The following RALGPS1 variants were observed in gnomAD, a reference collection of about 807,000 sequenced individuals.
RALGPS1 encodes the protein Ral GEF with PH domain and SH3 binding motif 1.
In RALGPS1, 19 loss-of-function variants were observed where a neutral mutation model predicts 78.8. The observed-to-expected ratio is 0.24, with a 90% CI of 0.17 to 0.35. RALGPS1 has a LOEUF of 0.35. RALGPS1 is among the 10% of genes least tolerant of loss of function. The pLI, the probability that RALGPS1 is intolerant of heterozygous loss-of-function variation, is 1.00. For missense variants in RALGPS1, 454 were observed against 688.3 expected, an observed-to-expected ratio of 0.66 and a Z score of 3.81; for synonymous variants, 228 against 256.3, an observed-to-expected ratio of 0.89 and a Z score of 1.06.
At chr9:127,210,181 A>T (rs2062162488) in intron 14 of RALGPS1, among the ~76,000 whole-genome samples, 1 of 152,238 alleles carries the variant, frequency 6.6e-6, no homozygotes, top group Non-Finnish European at 1.5e-5. Context: ...AGCAGGTCAC[A>T]GAGCGAGTTT....
chr9:127,098,252 C>T (rs2053354711), intron 8 of RALGPS1, among the ~76,000 whole-genome samples: 1 of 152,218 alleles, frequency 6.6e-6, no homozygotes. Flanking sequence ...TTTCAACGTG[C>T]AGTGGGCAAA....
At chr9:127,210,673 AT>A in intron 14 of RALGPS1, 1 of 1,537,978 alleles carries the variant, frequency 6.5e-7, no homozygotes, top group Non-Finnish European at 8.8e-7. Context: ...TGTTGCTAAA[AT>A]TTAACCCTTT....
chr9:127,091,038 G>A lies in RALGPS1; in HGVS notation c.610+21682G>A, dbSNP rs1256705087. Reference sequence around the variant, plus strand: ...TCTCCTATCTGCTTTCCTCTTAATAGCTTCCTCTCAGCACTGCACTAGCAT... The same window carrying A: ...TCTCCTATCTGCTTTCCTCTTAATAACTTCCTCTCAGCACTGCACTAGCAT... On this transcript the variant is annotated intron_variant, in intron 8 of 18. Transcript: ENST00000259351. The surrounding 1 kb of genome is among the most constrained non-coding windows in gnomAD (Gnocchi z 4.3). Among the ~76,000 whole-genome samples the A allele has an allele frequency of 1.3e-5, 2 of 152,152 alleles. No individual in the cohort carries two copies. Among genetic ancestry groups the A allele is most frequent in the African/African-American group, 4.8e-5 (2 of 41,420 alleles).
chr9:126,955,159 A>G (rs2038225825), intron 1 of RALGPS1, among the ~76,000 whole-genome samples: 1 of 152,120 alleles, frequency 6.6e-6, no homozygotes, highest in South Asian at 2.1e-4. Context: ...TCTTTAAGGC[A>G]TTTATCAGTA....
chr9:126,960,392 C>T lies in RALGPS1; in HGVS notation c.-65-1833C>T, dbSNP rs1020065672. Among the ~76,000 whole-genome samples, 10 of 151,856 alleles carry T rather than the reference C, an allele frequency of 6.6e-5. No individual in the cohort carries two copies. The South Asian group carries it at 2.1e-3, about 32-fold the overall frequency. On this transcript the variant is annotated intron_variant, in intron 1 of 18. Transcript: ENST00000259351. ...GGGACTACAGGCGCCTGCCACCACG[C>T]CCGGCTAATTTTTATGTTTTTAGTA...
At chr9:126,962,038 T>C (rs2038940719) in intron 1 of RALGPS1, among the ~76,000 whole-genome samples, 187 bp from the exon 2 acceptor site, 2 of 152,182 alleles carry the variant, frequency 1.3e-5, no homozygotes, top group Non-Finnish European at 2.9e-5. Flanking sequence ...TTTAAAAATA[T>C]TAATACCCTG....
intron 8 of RALGPS1, among the ~76,000 whole-genome samples, chr9:127,089,615 G>C (rs1200403267): frequency 6.6e-6 from 1 of 152,172 alleles, no homozygotes; most frequent in Non-Finnish European, 1.5e-5. Flanking sequence ...AGTCTTTAAA[G>C]AATGACAAAG....
At chr9:127,030,288 A>C (rs981129922) in intron 4 of RALGPS1, among the ~76,000 whole-genome samples, 1 of 152,226 alleles carries the variant, frequency 6.6e-6, no homozygotes, top group Non-Finnish European at 1.5e-5. Flanking sequence ...AGGGAGAAAT[A>C]TAGAAGAATG....
chr9:127,178,147 G>T, intron 11 of RALGPS1: 1 of 714,038 alleles, frequency 1.4e-6, no homozygotes, highest in East Asian at 3.9e-5. Context: ...TGCAGGGTCT[G>T]TGGGCAGGGA....
At chr9:127,161,886 C>G (rs2059041525) in intron 8 of RALGPS1, among the ~76,000 whole-genome samples, 1 of 152,240 alleles carries the variant, frequency 6.6e-6, no homozygotes, top group East Asian at 1.9e-4. Context: ...GGTGCACTCT[C>G]AGCTTCAGTT....
intron 4 of RALGPS1, among the ~76,000 whole-genome samples, chr9:127,011,244 C>A (rs866490422): frequency 1.3e-5 from 2 of 152,046 alleles, no homozygotes; most frequent in Admixed American, 1.3e-4. Context: ...GTGGCGTGAC[C>A]TCGGCTCACT....
chr9:126,994,257 T>A (rs1016923302), intron 4 of RALGPS1, among the ~76,000 whole-genome samples: 3 of 140,784 alleles, frequency 2.1e-5, no homozygotes, highest in Admixed American at 7.3e-5. Flanking sequence ...TTTGAACCAA[T>A]GGCAAAGAAG....
chr9:127,107,814 C>T, intron 8 of RALGPS1: 1 of 1,277,052 alleles, frequency 7.8e-7, no homozygotes, highest in African/African-American at 1.5e-5. Flanking sequence ...TTTGGCCTGG[C>T]TTCAACTGGC....
At chr9:127,043,400 CAAAA>C (rs34894330) in intron 5 of RALGPS1, among the ~76,000 whole-genome samples, 3 of 136,630 alleles carry the variant, frequency 2.2e-5, no homozygotes, top group Admixed American at 1.5e-4. Context: ...TGTGTATATG[CAAAA>C]AAAAAAAAAA....
chr9:127,129,226 G>A (rs2056838208), intron 8 of RALGPS1, among the ~76,000 whole-genome samples: 2 of 152,204 alleles, frequency 1.3e-5, no homozygotes, highest in Non-Finnish European at 2.9e-5. Flanking sequence ...AGAGGAGACT[G>A]AGGACTGGCA....
chr9:127,060,024 C>T (rs1408912899), intron 7 of RALGPS1, among the ~76,000 whole-genome samples: 1 of 152,150 alleles, frequency 6.6e-6, no homozygotes, highest in African/African-American at 2.4e-5. Flanking sequence ...ATAAAGTGCT[C>T]TCAGAGTCAA....
At chr9:127,006,324 C>T (rs1189991376) in intron 4 of RALGPS1, among the ~76,000 whole-genome samples, 1 of 152,184 alleles carries the variant, frequency 6.6e-6, no homozygotes, top group Non-Finnish European at 1.5e-5. Flanking sequence ...GAAGCGAATG[C>T]AGTGTTGATC....
At position 127,212,208 on chromosome 9, in the gene RALGPS1, C is replaced by T. The variant is rs1349447487; in HGVS notation, c.1325C>T (p.Thr442Ile). Residue 442 changes from threonine to isoleucine, a missense_variant, in exon 15 of 19, where the codon ACC (threonine) becomes ATC (isoleucine). Coordinates refer to ENST00000259351, the MANE Select transcript of RALGPS1 (RefSeq NM_014636.3). The surrounding 1 kb of genome is among the most constrained non-coding windows in gnomAD (Gnocchi z 6.0). ...PTMEGPLRRK[T>I]LLKEGRKPAL... Reference sequence around the variant, plus strand: ...ATGGAGGGGCCTCTGAGAAGAAAAACCCTGCTCAAGGAAGGGCGGAAGCCT... The same window carrying T: ...ATGGAGGGGCCTCTGAGAAGAAAAATCCTGCTCAAGGAAGGGCGGAAGCCT... 6.2e-7 allele frequency: 1 copy of T among 1,613,886 alleles called. No homozygotes were observed. Among genetic ancestry groups the T allele is most frequent in the South Asian group, 1.1e-5 (1 of 91,070 alleles).
intron 8 of RALGPS1, among the ~76,000 whole-genome samples, chr9:127,110,691 A>G (rs575161145): frequency 2.6e-5 from 4 of 152,078 alleles, no homozygotes; most frequent in African/African-American, 9.7e-5. Context: ...GTGTTCATAA[A>G]TGTCCACTCT....
Sources: gnomAD v4.1 joint callset for allele counts (sites outside exome capture counted in the v4.1 genomes callset) on GRCh38, gnomAD v4.1.1 for gene constraint, Gnocchi (gnomAD v3.1) non-coding constraint, MANE v1.5 for transcripts, NCBI Gene and HGNC (gene_info 2026-07-23, HGNC 2026-07-21) for gene names.